MAP4: variants seen among roughly 807,000 people sequenced by gnomAD.
MAP4 encodes microtubule associated protein 4.
A neutral mutation model predicts 170.2 loss-of-function variants in MAP4; 76 were observed. The observed-to-expected ratio is 0.45, with a 90% confidence interval of 0.37 to 0.54. MAP4 has a LOEUF of 0.54. MAP4 is among the 20% of genes least tolerant of loss of function. The pLI, the probability that MAP4 is intolerant of heterozygous loss-of-function variation, is 0.00. For synonymous variants in MAP4, 909 were observed against 994.5 expected (o/e 0.91, Z 1.62); for missense variants, 2,506 against 2,748.0 (o/e 0.91, Z 1.97).
At chr3:47,878,887 A>G (rs899594307) in intron 10 of MAP4, among the ~76,000 whole-genome samples, 17 of 152,244 alleles carry the variant, frequency 1.1e-4, no homozygotes, top group Non-Finnish European at 4.4e-5. Context: ...AAATTTTAAA[A>G]TAACTACTGA....
At chr3:47,893,902 T>C (rs929758241) in intron 10 of MAP4, among the ~76,000 whole-genome samples, 1 of 152,156 alleles carries the variant, frequency 6.6e-6, no homozygotes, top group Non-Finnish European at 1.5e-5. Flanking sequence ...AAGGTCCGCA[T>C]AGGAAAGCTT....
At chr3:47,930,537 C>G (rs1283672269) in intron 3 of MAP4, among the ~76,000 whole-genome samples, 1 of 151,642 alleles carries the variant, frequency 6.6e-6, no homozygotes, top group African/African-American at 2.4e-5. Context: ...AAGTCATAGA[C>G]TTCGAGAAAT....
intron 1 of MAP4, among the ~76,000 whole-genome samples, chr3:48,071,473 C>T (rs1301393513): frequency 6.6e-6 from 1 of 151,952 alleles, no homozygotes; most frequent in East Asian, 1.9e-4. Flanking sequence ...CACCTGAAAC[C>T]AGAAGGTCAA....
At chr3:47,931,657 T>A (rs1034376220) in intron 3 of MAP4, among the ~76,000 whole-genome samples, 268 of 74,224 alleles carry the variant, frequency 3.6e-3, no homozygotes, top group Non-Finnish European at 6.1e-3. Flanking sequence ...TTAAACAAAA[T>A]TTTTTTTTTT....
At chr3:48,088,531 C>A (rs1230622078) in intron 1 of MAP4, among the ~76,000 whole-genome samples, 2 of 151,740 alleles carry the variant, frequency 1.3e-5, no homozygotes, top group East Asian at 3.9e-4. Context: ...ACCTCTCAGC[C>A]CCCCTCACTC....
intron 10 of MAP4, among the ~76,000 whole-genome samples, chr3:47,893,389 T>C (rs1193944210): frequency 7.2e-5 from 11 of 152,196 alleles, no homozygotes; most frequent in Non-Finnish European, 1.6e-4. Flanking sequence ...CCTAATAATC[T>C]GTTAGGTGTC....
At chr3:47,998,936 T>G in intron 1 of MAP4, 57 bp from the exon 2 acceptor site, 1 of 944,424 alleles carries the variant, frequency 1.1e-6, no homozygotes, top group Non-Finnish European at 1.7e-6. Flanking sequence ...GAAAAACATT[T>G]CTAGAAACTC....
chr3:47,910,496 C>T lies in MAP4; in HGVS notation c.3925G>A (p.Val1309Ile). 6.5e-7 allele frequency: 1 copy of T among 1,536,082 alleles called. No homozygotes were observed. Among genetic ancestry groups the T allele is most frequent in the Non-Finnish European group, 8.7e-7 (1 of 1,146,904 alleles). ...GTLGENKIST[V>I]KASTVTEPPA... Reference sequence around the variant, plus strand: ...GGTTCAGTAACAGTAGAAGCCTTGACTGTGCTTATCTTGTTTTCCCCAAGA... The same window carrying T: ...GGTTCAGTAACAGTAGAAGCCTTGATTGTGCTTATCTTGTTTTCCCCAAGA... The change falls in exon 9 of 21, where the codon GTC becomes ATC. Residue 1309 changes from valine to isoleucine, a missense_variant. Physicochemically the swap from Val to Ile is conservative, Grantham distance 29. Transcript: ENST00000683076.
At chr3:48,082,193 A>T (rs2100146965) in intron 1 of MAP4, among the ~76,000 whole-genome samples, 1 of 152,240 alleles carries the variant, frequency 6.6e-6, no homozygotes, top group African/African-American at 2.4e-5. Context: ...AAAATAGAAA[A>T]CCAACAGAAT....
At chr3:48,062,241 G>C (rs569277288) in intron 1 of MAP4, among the ~76,000 whole-genome samples, 7 of 152,190 alleles carry the variant, frequency 4.6e-5, no homozygotes, top group Non-Finnish European at 8.8e-5. Context: ...GTCCACTCAG[G>C]GTTAAATGGA....
At chr3:48,075,086 CTTCCTAAT>C (rs2100143171) in intron 1 of MAP4, among the ~76,000 whole-genome samples, 1 of 152,166 alleles carries the variant, frequency 6.6e-6, no homozygotes, top group Non-Finnish European at 1.5e-5. Flanking sequence ...AAAACTCACA[CTTCCTAAT>C]TTCAAAACAT....
At chr3:47,917,280 G>T in intron 6 of MAP4, 106 bp from the exon 7 acceptor site, 1 of 862,844 alleles carries the variant, frequency 1.2e-6, no homozygotes, top group Non-Finnish European at 1.8e-6. Context: ...CCATAAGACT[G>T]TACACATAAC....
At chr3:47,951,566 G>C (rs2100063885) in intron 3 of MAP4, among the ~76,000 whole-genome samples, 1 of 152,224 alleles carries the variant, frequency 6.6e-6, no homozygotes, top group African/African-American at 2.4e-5. Context: ...TGGCCGGGCT[G>C]GTCTCCAGCT....
At chr3:48,074,274 C>T (rs1218292411) in intron 1 of MAP4, among the ~76,000 whole-genome samples, 1 of 123,368 alleles carries the variant, frequency 8.1e-6, no homozygotes, top group African/African-American at 3.2e-5. Flanking sequence ...CACCTGGACA[C>T]AGGGTGGGGA....
intron 2 of MAP4, among the ~76,000 whole-genome samples, chr3:47,978,694 T>C (rs955569043): frequency 3.3e-5 from 5 of 151,792 alleles, no homozygotes; most frequent in Non-Finnish European, 1.5e-5. Context: ...GAAGATTGCA[T>C]GGAGGTAACC....
intron 1 of MAP4, among the ~76,000 whole-genome samples, chr3:48,054,223 A>G (rs1397981364): frequency 1.3e-5 from 2 of 152,102 alleles, no homozygotes; most frequent in Non-Finnish European, 2.9e-5. Flanking sequence ...ACTTGAACCC[A>G]GGAGGCGGAG....
intron 10 of MAP4, among the ~76,000 whole-genome samples, chr3:47,897,562 T>C (rs527862192): frequency 6.6e-6 from 1 of 152,166 alleles, no homozygotes; most frequent in Non-Finnish European, 1.5e-5. Flanking sequence ...TATGTGTGTT[T>C]AGGGGAGCAA....
chr3:48,034,438 C>A (rs548238996), intron 1 of MAP4, among the ~76,000 whole-genome samples: 2 of 152,144 alleles, frequency 1.3e-5, no homozygotes, highest in Admixed American at 6.5e-5. Flanking sequence ...CACAGTGGCT[C>A]ATACCTGTAA....
At chr3:47,883,386 G>A (rs923026161) in intron 10 of MAP4, among the ~76,000 whole-genome samples, 1 of 151,940 alleles carries the variant, frequency 6.6e-6, no homozygotes. Context: ...CACCACGCCC[G>A]GCTAATTTTG....
Sources: gnomAD v4.1 joint callset for allele counts (sites outside exome capture counted in the v4.1 genomes callset) on GRCh38, gnomAD v4.1.1 for gene constraint, MANE v1.5 for transcripts, NCBI Gene and HGNC (gene_info 2026-07-23, HGNC 2026-07-21) for gene names.